PCDH11X: variants seen among roughly 807,000 people sequenced by gnomAD.
PCDH11X encodes protocadherin-11 X-linked.
A neutral mutation model predicts 53.3 loss-of-function variants in PCDH11X; 18 were observed. The observed-to-expected ratio is 0.34, with a 90% CI of 0.23 to 0.50. The LOEUF is 0.50. Among genes scored for constraint, PCDH11X ranks in the 20% least tolerant of loss-of-function variants. The probability of loss-of-function intolerance (pLI) is 0.98; values close to 1 mark genes in which losing one functional copy is unlikely to be tolerated. For missense variants in PCDH11X, 570 were observed against 1,032.4 expected, an observed-to-expected ratio of 0.55 and a Z score of 6.14; for synonymous variants, 279 against 393.3, an observed-to-expected ratio of 0.71 and a Z score of 3.44.
intron 6 of PCDH11X, among the ~76,000 whole-genome samples, chrX:92,112,164 T>G (rs1325628104): frequency 1.8e-5 from 2 of 108,649 alleles, no homozygotes; most frequent in East Asian, 5.8e-4. Context: ...CTTATGGAGC[T>G]TATAATTTCA....
At chrX:92,492,880 A>G (rs2073791410) in intron 10 of PCDH11X, among the ~76,000 whole-genome samples, 1 of 110,810 alleles carries the variant, frequency 9.0e-6, no homozygotes. Flanking sequence ...TCATTTTCCA[A>G]CAAGCCTGCT....
chrX:91,841,745 G>T (rs898822378), intron 5 of PCDH11X, among the ~76,000 whole-genome samples: 5 of 107,411 alleles, frequency 4.7e-5, no homozygotes, highest in Non-Finnish European at 7.7e-5. Flanking sequence ...CCCAATGTGG[G>T]TAGTTTTCTT....
At chrX:91,987,454 T>C (rs1290053157) in intron 6 of PCDH11X, among the ~76,000 whole-genome samples, 1 of 111,631 alleles carries the variant, frequency 9.0e-6, no homozygotes, top group African/African-American at 3.2e-5. Context: ...GTCTACTGCT[T>C]ACCTTATGTC....
rs747264779 is a variant in PCDH11X, at chrX:92,098,037, C to T, written c.3034-103338C>T. 1.5e-4 allele frequency among the ~76,000 whole-genome samples: 17 copies of T among 110,084 alleles called. No individual in the cohort carries two copies. The South Asian group carries it at 4.2e-3, about 28-fold the overall frequency. On this transcript the variant is annotated intron_variant, in intron 6 of 10. Transcript: ENST00000682573. ...TGCTTGAAATCAAGAATGTGGAACC[C>T]GTGGATACAAGGTGCCGACTGCTTA...
rs143385060 is a variant in PCDH11X at position 92,566,903 on chromosome X, C to T, written c.3368-51361C>T. On this transcript the variant is annotated intron_variant, in intron 10 of 10. Transcript: ENST00000682573. ...AACGACTAGAATTACTCTAAAATGT[C>T]CTAAAGCAACACTTGGAAATCATCC... Among the ~76,000 whole-genome samples, 198 of 109,430 alleles carry T rather than the reference C, an allele frequency of 1.8e-3. 3 individuals carry two copies. Among genetic ancestry groups the T allele is most frequent in the African/African-American group, 4.7e-3 (143 of 30,136 alleles).
intron 9 of PCDH11X, among the ~76,000 whole-genome samples, chrX:92,432,704 T>C (rs186957938): frequency 1.3e-3 from 142 of 108,004 alleles, no homozygotes; most frequent in Non-Finnish European, 2.3e-3. Context: ...GATAGCTAAA[T>C]AAAGTTAAAA....
At chrX:92,190,090 C>CT (rs1253402137) in intron 6 of PCDH11X, among the ~76,000 whole-genome samples, 1 of 111,687 alleles carries the variant, frequency 9.0e-6, no homozygotes, top group Non-Finnish European at 1.9e-5. Context: ...TCAATTTTTG[C>CT]TTTTTTTGCA....
At chrX:92,118,760 G>C (rs74391567) in intron 6 of PCDH11X, among the ~76,000 whole-genome samples, 9 of 5,878 alleles carry the variant, frequency 1.5e-3, no homozygotes, top group African/African-American at 4.4e-3. Flanking sequence ...TTTTTTTTTT[G>C]AGACGGAGTC....
intron 6 of PCDH11X, among the ~76,000 whole-genome samples, chrX:92,102,650 G>A (rs1281333759): frequency 1.8e-5 from 2 of 111,619 alleles, no homozygotes; most frequent in African/African-American, 3.3e-5. Context: ...GAGCCTAATC[G>A]GTGTCAGGGT....
intron 9 of PCDH11X, among the ~76,000 whole-genome samples, chrX:92,397,860 G>T (rs1262288894): frequency 1.8e-5 from 2 of 111,602 alleles, no homozygotes; most frequent in Non-Finnish European, 3.8e-5. Context: ...TGCAAACTTT[G>T]CAGTAATAAT....
chrX:92,285,398 C>T (rs1014696182), intron 8 of PCDH11X, among the ~76,000 whole-genome samples: 1 of 108,959 alleles, frequency 9.2e-6, no homozygotes, highest in African/African-American at 3.3e-5. Flanking sequence ...GGATTAGAGG[C>T]CCCCACCACC....
rs1220310131 is a variant in PCDH11X at position 91,879,047 on chromosome X, C to T, written c.2807C>T (p.Ala936Val). The T allele has an allele frequency of 8.3e-7, 1 of 1,209,157 alleles. No homozygotes were observed. Among genetic ancestry groups the T allele is most frequent in the East Asian group, 3.0e-5 (1 of 33,711 alleles). The stretch of plus-strand genomic sequence containing the variant: ...TTCAAGCCCGACAGCCCTGATTTGG[C>T]CCGACACTACAAATCTGCCTCTCCA... ...TTFKPDSPDL[A>V]RHYKSASPQP... Residue 936 changes from alanine to valine, a missense_variant, in exon 6 of 11, where the codon GCC (alanine) becomes GTC (valine). Ala to Val is a moderately conservative substitution (Grantham distance 64). Around this residue, in one of 6 missense-constraint regions of PCDH11X, gnomAD observed 226 missense variants for 457.5 expected, o/e 0.49. Coordinates refer to ENST00000682573, the MANE Select transcript of PCDH11X (RefSeq NM_032968.5).
chrX:92,327,113 A>G (rs2069356334), intron 8 of PCDH11X, among the ~76,000 whole-genome samples: 1 of 109,243 alleles, frequency 9.2e-6, no homozygotes, highest in Admixed American at 9.8e-5. Flanking sequence ...TAAAAGTCTA[A>G]CATAGTAGGG....
Position 92,191,667 on chromosome X carries a change from A to T in PCDH11X, c.3034-9708A>T, listed in dbSNP as rs762926968. Among the ~76,000 whole-genome samples, 7 of 112,319 alleles carry T rather than the reference A, an allele frequency of 6.2e-5. No individual in the cohort carries two copies. In the South Asian group the frequency reaches 2.5e-3, roughly 41 times the overall value. On this transcript the variant is annotated intron_variant, in intron 6 of 10. Coordinates refer to ENST00000682573, the MANE Select transcript of PCDH11X (RefSeq NM_032968.5). ...TTAGGTTTGGCAGGCAATGCTAATGAATGTTTTAAAAATAATGAATTAGTG... is the reference window on the plus strand; with the variant it reads ...TTAGGTTTGGCAGGCAATGCTAATGTATGTTTTAAAAATAATGAATTAGTG...
intron 9 of PCDH11X, among the ~76,000 whole-genome samples, chrX:92,406,012 G>A (rs1438896517): frequency 1.9e-5 from 2 of 103,296 alleles, no homozygotes; most frequent in African/African-American, 3.6e-5. Context: ...GGAGAATGGC[G>A]TGAACCCAGG....
intron 8 of PCDH11X, among the ~76,000 whole-genome samples, chrX:92,364,936 AAT>A (rs199751554): frequency 0.28 from 20,397 of 73,199 alleles, 3,261 homozygotes; most frequent in Non-Finnish European, 0.41. Flanking sequence ...AAAAAAAAAA[AAT>A]TTCTTTCTTT....
At chrX:91,962,213 A>C (rs2061797605) in intron 6 of PCDH11X, among the ~76,000 whole-genome samples, 1 of 109,938 alleles carries the variant, frequency 9.1e-6, no homozygotes, top group African/African-American at 3.4e-5. Context: ...TGTCTGAGAC[A>C]AGGCAAGCCC....
chrX:92,248,686 A>AATTTT (rs1456893303), intron 7 of PCDH11X, among the ~76,000 whole-genome samples: 2 of 111,072 alleles, frequency 1.8e-5, no homozygotes, highest in Non-Finnish European at 3.8e-5. Context: ...AAGTTTTAGT[A>AATTTT]ATTTTATTTT....
At chrX:92,184,324 A>G (rs1204642514) in intron 6 of PCDH11X, among the ~76,000 whole-genome samples, 1 of 112,258 alleles carries the variant, frequency 8.9e-6, no homozygotes, top group Non-Finnish European at 1.9e-5. Context: ...GCAATTTAAA[A>G]TGTTTTGCAT....
Sources: allele counts gnomAD v4.1 joint callset (sites outside exome capture counted in the v4.1 genomes callset), GRCh38; gene constraint gnomAD v4.1.1; regional missense constraint gnomAD v4.1.1; transcripts MANE v1.5; gene names NCBI Gene and HGNC (gene_info 2026-07-23, HGNC 2026-07-21).